The following EML4 variants were observed in gnomAD, a reference collection of about 807,000 sequenced individuals.
EML4 encodes EMAP like 4.
Under a neutral mutation model 129.0 loss-of-function variants are expected in EML4, and 72 were observed. That is an observed-to-expected ratio of 0.56 (90% CI 0.46 to 0.68). The LOEUF is 0.68. Among genes scored for constraint, EML4 ranks in the 30% least tolerant of loss-of-function variants. The probability of loss-of-function intolerance (pLI) is 0.00; values close to 1 mark genes in which losing one functional copy is unlikely to be tolerated. For synonymous variants in EML4, 532 were observed against 405.0 expected, an observed-to-expected ratio of 1.31 and a Z score of -3.77; for missense variants, 1,363 against 1,190.6, an observed-to-expected ratio of 1.14 and a Z score of -2.13.
chr2:42,204,018 C>A (rs1355802184), intron 1 of EML4, among the ~76,000 whole-genome samples: 1 of 152,060 alleles, frequency 6.6e-6, no homozygotes, highest in Non-Finnish European at 1.5e-5. Flanking sequence ...CTCCTGGGTT[C>A]AAGGGATCCT....
intron 1 of EML4, 106 bp downstream of exon 1, chr2:42,169,742 C>A: frequency 1.5e-6 from 2 of 1,305,076 alleles, no homozygotes; most frequent in Non-Finnish European, 2.1e-6. Context: ...GGGGTGGCAG[C>A]GGCTCCACTG....
intron 19 of EML4, among the ~76,000 whole-genome samples, chr2:42,319,061 C>G (rs1187069242): frequency 6.6e-6 from 1 of 152,162 alleles, no homozygotes. Flanking sequence ...AACAGTATAT[C>G]AAATATGACT....
chr2:42,252,952 A>G (rs564806469), intron 2 of EML4, among the ~76,000 whole-genome samples: 13 of 152,192 alleles, frequency 8.5e-5, no homozygotes, highest in Admixed American at 7.8e-4. Context: ...AAGATTTTGA[A>G]TTCCTTGATG....
intron 1 of EML4, among the ~76,000 whole-genome samples, chr2:42,180,419 G>A (rs1244482860): frequency 6.6e-6 from 1 of 152,166 alleles, no homozygotes; most frequent in African/African-American, 2.4e-5. Context: ...GAAAAATAGG[G>A]TGATCTTGCC....
intron 1 of EML4, among the ~76,000 whole-genome samples, chr2:42,233,789 T>G (rs1674496797): frequency 6.6e-6 from 1 of 152,200 alleles, no homozygotes; most frequent in African/African-American, 2.4e-5. Flanking sequence ...ATTCCTTTAG[T>G]TTTGTTACAA....
chr2:42,240,867 G>T (rs749227440), intron 1 of EML4, among the ~76,000 whole-genome samples: 2 of 152,138 alleles, frequency 1.3e-5, no homozygotes, highest in African/African-American at 4.8e-5. Context: ...ATGGCCGGGC[G>T]TGGTGGCTCA....
intron 1 of EML4, among the ~76,000 whole-genome samples, chr2:42,170,939 A>T (rs1057075016): frequency 2.0e-5 from 3 of 152,234 alleles, no homozygotes; most frequent in Non-Finnish European, 2.9e-5. Flanking sequence ...ATAGATATTA[A>T]ATAGTAAAAC....
At chr2:42,277,562 A>G (rs953846951) in intron 6 of EML4, among the ~76,000 whole-genome samples, 2 of 149,526 alleles carry the variant, frequency 1.3e-5, no homozygotes, top group African/African-American at 5.0e-5. Flanking sequence ...ACCCATAACA[A>G]GCACAACCTT....
chr2:42,295,058 A>C, intron 11 of EML4, 67 bp from the exon 12 acceptor site: 2 of 1,370,686 alleles, frequency 1.5e-6, no homozygotes. Context: ...AAGTAGCAGT[A>C]ATTGAATTGA....
At chr2:42,237,325 C>G (rs1042615740) in intron 1 of EML4, among the ~76,000 whole-genome samples, 4 of 152,098 alleles carry the variant, frequency 2.6e-5, no homozygotes, top group African/African-American at 7.2e-5. Flanking sequence ...CTTTTGGAGA[C>G]CAAACATCTG....
intron 1 of EML4, among the ~76,000 whole-genome samples, chr2:42,220,578 C>T (rs925206789): frequency 2.6e-5 from 4 of 152,054 alleles, no homozygotes; most frequent in Non-Finnish European, 4.4e-5. Flanking sequence ...CCTGAGATAA[C>T]AATATTGAAA....
intron 1 of EML4, among the ~76,000 whole-genome samples, chr2:42,215,230 T>C (rs192055993): frequency 1.3e-5 from 2 of 152,086 alleles, no homozygotes; most frequent in South Asian, 2.1e-4. Context: ...TGGCTAACTT[T>C]TATATTTTTT....
rs1325756142 is a variant in EML4 at position 42,254,968 on chromosome 2, C to T, written c.209-1533C>T. ...TATAAAGAATGAAATATATGTGCTA[C>T]AACATGGTGAACCTTGAAAACATTG... is the stretch of plus-strand genomic sequence containing the variant. On this transcript the variant is annotated intron_variant, in intron 2 of 22. Transcript: ENST00000318522. Among the ~76,000 whole-genome samples, 5 of 152,236 alleles carry T rather than the reference C, an allele frequency of 3.3e-5. No homozygotes were observed. The East Asian group carries it at 9.6e-4, about 29-fold the overall frequency.
At chr2:42,277,466 A>T (rs776253581) in intron 6 of EML4, among the ~76,000 whole-genome samples, 1 of 152,156 alleles carries the variant, frequency 6.6e-6, no homozygotes, top group Admixed American at 6.5e-5. Context: ...TTGAAACCAT[A>T]GTGTGGGAGG....
chr2:42,184,613 C>T (rs1671139783), intron 1 of EML4, among the ~76,000 whole-genome samples: 1 of 152,090 alleles, frequency 6.6e-6, no homozygotes, highest in African/African-American at 2.4e-5. Context: ...CTGCTTTCTT[C>T]TTATACCGTT....
chr2:42,238,525 T>C (rs1468527507), intron 1 of EML4, among the ~76,000 whole-genome samples: 1 of 152,216 alleles, frequency 6.6e-6, no homozygotes, highest in Non-Finnish European at 1.5e-5. Context: ...GGAGGATTGC[T>C]TGAGGATGGG....
intron 1 of EML4, among the ~76,000 whole-genome samples, chr2:42,214,613 T>G (rs1673075040): frequency 6.6e-6 from 1 of 152,216 alleles, no homozygotes; most frequent in South Asian, 2.1e-4. Flanking sequence ...CCAGCATTAT[T>G]GTGGGTCAGG....
chr2:42,246,443 T>A (rs545185253), intron 2 of EML4, among the ~76,000 whole-genome samples: 2 of 152,370 alleles, frequency 1.3e-5, no homozygotes, highest in East Asian at 3.9e-4. Flanking sequence ...CTTGCCTTCC[T>A]ACTTCGATGT....
intron 1 of EML4, among the ~76,000 whole-genome samples, chr2:42,219,071 T>G (rs1002926389): frequency 1.3e-5 from 2 of 152,200 alleles, no homozygotes; most frequent in African/African-American, 2.4e-5. Context: ...GTGACATCAT[T>G]TACACACCAA....
Sources: allele counts gnomAD v4.1 joint callset (sites outside exome capture counted in the v4.1 genomes callset), GRCh38; gene constraint gnomAD v4.1.1; transcripts MANE v1.5; gene names NCBI Gene and HGNC (gene_info 2026-07-23, HGNC 2026-07-21).